Variants in PPARG observed in about 807,000 individuals in gnomAD.
PPARG encodes the protein peroxisome proliferator-activated receptor gamma.
In PPARG, 17 loss-of-function variants were observed where a neutral mutation model predicts 39.2. The observed-to-expected ratio is 0.43, with a 90% CI of 0.30 to 0.65. The LOEUF is 0.65. Ranked by LOEUF, PPARG falls within the 30% of genes least tolerant of loss-of-function variation. The probability of loss-of-function intolerance (pLI) is 0.13; values close to 1 mark genes in which losing one functional copy is unlikely to be tolerated. For missense variants in PPARG, 406 were observed against 585.9 expected, an observed-to-expected ratio of 0.69 and a Z score of 3.17; for synonymous variants, 223 against 215.7, an observed-to-expected ratio of 1.03 and a Z score of -0.30.
intron 5 of PPARG, 77 bp downstream of exon 5, chr3:12,392,829 C>CA: frequency 1.9e-6 from 3 of 1,550,190 alleles, no homozygotes; most frequent in Non-Finnish European, 2.7e-6. Flanking sequence ...AAGCCATTGC[C>CA]AAAAATGTGT....
At chr3:12,386,527 T>A (rs554750761) in intron 4 of PPARG, among the ~76,000 whole-genome samples, 6 of 152,184 alleles carry the variant, frequency 3.9e-5, no homozygotes, top group African/African-American at 1.4e-4. Flanking sequence ...TCTCTTTTTT[T>A]TTTTTTGAAC....
intron 5 of PPARG, among the ~76,000 whole-genome samples, chr3:12,394,988 T>C (rs2050207770): frequency 3.3e-5 from 5 of 152,164 alleles, no homozygotes; most frequent in African/African-American, 1.2e-4. Context: ...GTGTTAACCT[T>C]ATTTCTGCTC....
chr3:12,366,850 G>A (rs570822710), intron 2 of PPARG, among the ~76,000 whole-genome samples: 2 of 152,240 alleles, frequency 1.3e-5, no homozygotes, highest in East Asian at 1.9e-4. Context: ...TTGGTCTATA[G>A]GGTTTATTTT....
chr3:12,328,120 C>A, intron 2 of PPARG: 1 of 1,340,584 alleles, frequency 7.5e-7, no homozygotes, highest in Non-Finnish European at 1.1e-6. Context: ...GTTTATTTTT[C>A]AGTCCAAGGA....
At chr3:12,380,608 C>T (rs914110239) in intron 3 of PPARG, among the ~76,000 whole-genome samples, 1 of 152,190 alleles carries the variant, frequency 6.6e-6, no homozygotes. Context: ...GCAATCATTA[C>T]TTGACAAGTA....
chr3:12,411,866 A>G (rs1372110545), intron 6 of PPARG, among the ~76,000 whole-genome samples: 1 of 152,208 alleles, frequency 6.6e-6, no homozygotes, highest in Non-Finnish European at 1.5e-5. Context: ...GTCAAAGGTG[A>G]TGAAAGTCAG....
At chr3:12,410,644 G>A (rs2125268919) in intron 6 of PPARG, among the ~76,000 whole-genome samples, 1 of 152,324 alleles carries the variant, frequency 6.6e-6, no homozygotes, top group East Asian at 1.9e-4. Flanking sequence ...ATAATTATAA[G>A]AGCAAACTGG....
At chr3:12,410,279 G>A (rs1218431886) in intron 6 of PPARG, among the ~76,000 whole-genome samples, 2 of 152,168 alleles carry the variant, frequency 1.3e-5, no homozygotes, top group Admixed American at 6.5e-5. Flanking sequence ...TAGGTGCTCT[G>A]TTTCATGAAG....
intron 7 of PPARG, among the ~76,000 whole-genome samples, chr3:12,431,350 TG>T (rs1457323492): frequency 3.3e-5 from 5 of 152,132 alleles, no homozygotes; most frequent in Non-Finnish European, 7.4e-5. Flanking sequence ...TCAAAGCCCA[TG>T]GGATGAAACC....
intron 2 of PPARG, among the ~76,000 whole-genome samples, chr3:12,340,788 C>T (rs1351608245): frequency 1.3e-5 from 2 of 152,190 alleles, no homozygotes; most frequent in Non-Finnish European, 2.9e-5. Flanking sequence ...TTAGGAATAA[C>T]TACCTGCTAA....
At position 12,433,969 on chromosome 3, in the gene PPARG, C is replaced by G; in HGVS notation, c.1252C>G (p.Gln418Glu). Residue 418 changes from glutamine (Q) to glutamate (E), a missense_variant, in exon 8 of 8, where the codon CAG (glutamine) becomes GAG (glutamate). Around this residue, in one of 2 missense-constraint regions of PPARG, gnomAD observed 275 missense variants for 458.0 expected, o/e 0.60. Transcript: ENST00000651735. ...QDNLLQALEL[Q>E]LKLNHPESSQ... ...CAACCTGCTACAAGCCCTGGAGCTC[C>G]AGCTGAAGCTGAACCACCCTGAGTC... 6.2e-7 allele frequency: 1 copy of G among 1,614,242 alleles called. No individual in the cohort carries two copies. The highest frequency in any genetic ancestry group is 8.5e-7 in the Non-Finnish European group (1 of 1,180,040).
intron 7 of PPARG, among the ~76,000 whole-genome samples, chr3:12,425,151 C>T (rs1400726561): frequency 6.6e-6 from 1 of 152,072 alleles, no homozygotes. Context: ...GGAAAGAGAT[C>T]CTGGAGGAAG....
intron 7 of PPARG, among the ~76,000 whole-genome samples, chr3:12,431,624 T>G (rs2051663415): frequency 6.6e-6 from 1 of 152,180 alleles, no homozygotes; most frequent in African/African-American, 2.4e-5. Context: ...TCAGATTTTT[T>G]TAATGAGAGA....
intron 2 of PPARG, chr3:12,344,846 C>T (rs758090573): frequency 5.9e-5 from 9 of 152,074 alleles, no homozygotes; most frequent in Admixed American, 2.0e-4. Context: ...CTCACAACTC[C>T]GAAAAGATAA....
chr3:12,298,127 G>A (rs960105480), intron 1 of PPARG, among the ~76,000 whole-genome samples: 5 of 149,874 alleles, frequency 3.3e-5, no homozygotes, highest in African/African-American at 4.9e-5. Context: ...GTGAAACCCC[G>A]TCTCTACTAA....
intron 4 of PPARG, among the ~76,000 whole-genome samples, chr3:12,389,797 T>TGA (rs989685445): frequency 6.6e-6 from 1 of 152,110 alleles, no homozygotes; most frequent in Non-Finnish European, 1.5e-5. Context: ...CCCAGAAGGC[T>TGA]GAGGCCCAAG....
chr3:12,345,737 G>C (rs558693518), intron 2 of PPARG, among the ~76,000 whole-genome samples: 2 of 152,310 alleles, frequency 1.3e-5, no homozygotes, highest in South Asian at 2.1e-4. Context: ...CTTTAGTACA[G>C]TCACAGAACT....
At chr3:12,334,315 C>G (rs1041880734) in intron 2 of PPARG, among the ~76,000 whole-genome samples, 1 of 151,676 alleles carries the variant, frequency 6.6e-6, no homozygotes, top group Non-Finnish European at 1.5e-5. Flanking sequence ...ACTGCAACCT[C>G]TGCCTCCCGG....
chr3:12,409,430 C>A (rs540623396), intron 6 of PPARG, among the ~76,000 whole-genome samples: 31 of 149,398 alleles, frequency 2.1e-4, no homozygotes, highest in Non-Finnish European at 3.1e-4. Flanking sequence ...AAAAAAAAAA[C>A]CAAAATGTGA....
Sources: gnomAD v4.1 joint callset for allele counts (sites outside exome capture counted in the v4.1 genomes callset) on GRCh38, gnomAD v4.1.1 for gene constraint, gnomAD v4.1.1 regional missense constraint, MANE v1.5 for transcripts, NCBI Gene and HGNC (gene_info 2026-07-23, HGNC 2026-07-21) for gene names.